Variants in SF3A3 observed in about 807,000 individuals in gnomAD.
The protein encoded by SF3A3 is splicing factor 3a subunit 3, also known as SAP 61.
Under a neutral mutation model 85.8 loss-of-function variants are expected in SF3A3, and 9 were observed. The observed-to-expected ratio is 0.10, with a 90% confidence interval of 0.06 to 0.18. The LOEUF (loss-of-function observed/expected upper bound fraction) is 0.18, where lower values mean the gene tolerates loss of function less well. Ranked by LOEUF, SF3A3 falls within the 10% of genes least tolerant of loss-of-function variation. The pLI is 1.00. For synonymous variants in SF3A3, 195 were observed against 204.4 expected, an observed-to-expected ratio of 0.95 and a Z score of 0.39; for missense variants, 306 against 593.3, an observed-to-expected ratio of 0.52 and a Z score of 5.03.
chr1:37,979,863 AAAAACAAAAC>A (rs141707261), intron 8 of SF3A3, among the ~76,000 whole-genome samples: 52,323 of 151,394 alleles, frequency 0.35, 10,542 homozygotes, highest in Non-Finnish European at 0.45. Flanking sequence ...TTGTCTCCCA[AAAAACAAAAC>A]AAAACAAAAC....
chr1:37,989,560 C>T lies in SF3A3; in HGVS notation c.132G>A (p.Arg44=), dbSNP rs759013726. The change falls in exon 2 of 17, where the codon CGG becomes CGA. Residue 44 remains arginine, a synonymous_variant. Coordinates refer to ENST00000373019, the MANE Select transcript of SF3A3 (RefSeq NM_006802.4). ...GCTGGGCACTCACATCTTGCATGGC[C>T]CGAGTGCGGTGATCAGAATTGATCT... is the stretch of plus-strand genomic sequence containing the variant. ...RDQINSDHRT[R]AMQDRYMEVS... 7 of 1,613,936 alleles carry T rather than the reference C, an allele frequency of 4.3e-6. No individual in the cohort carries two copies. The Admixed American group carries it at 1.2e-4, about 27-fold the overall frequency.
chr1:37,979,153 G>C (rs1167875842), intron 9 of SF3A3, 98 bp from the exon 10 acceptor site: 1 of 943,588 alleles, frequency 1.1e-6, no homozygotes, highest in Non-Finnish European at 1.7e-6. Context: ...GCTGTGGCAG[G>C]ACCACACATT....
chr1:37,962,845 G>T (rs901054109), intron 15 of SF3A3, among the ~76,000 whole-genome samples: 6 of 151,652 alleles, frequency 4.0e-5, no homozygotes, highest in African/African-American at 1.5e-4. Context: ...TAGCACTTTG[G>T]GAAGCTGAGG....
At chr1:37,987,204 G>A (rs1447325895) in intron 4 of SF3A3, among the ~76,000 whole-genome samples, 2 of 152,130 alleles carry the variant, frequency 1.3e-5, no homozygotes, top group Admixed American at 6.5e-5. Flanking sequence ...TCAGCCTCCT[G>A]AGTAGTTGGG....
chr1:37,972,710 A>G (rs1646352328), intron 12 of SF3A3, among the ~76,000 whole-genome samples: 2 of 152,248 alleles, frequency 1.3e-5, no homozygotes, highest in Non-Finnish European at 2.9e-5. Flanking sequence ...GTCCTTGGAA[A>G]TAGTATGACA....
In SF3A3 at chr1:37,989,565, T is replaced by C. The variant is rs747387943; in HGVS notation, c.127A>G (p.Thr43Ala). 5.0e-6 allele frequency: 8 copies of C among 1,613,826 alleles called. No homozygotes were observed. In the South Asian group the frequency reaches 5.5e-5, roughly 11 times the overall value. The part of the protein sequence containing the change: ...LRDQINSDHR[T>A]RAMQDRYMEV... ...GCACTCACATCTTGCATGGCCCGAG[T>C]GCGGTGATCAGAATTGATCTGGTCC... The change falls in exon 2 of 17, where the codon ACT becomes GCT. Residue 43 changes from threonine (T) to alanine (A), a missense_variant. This residue lies in a region of SF3A3 where 152 missense variants were observed against 192.0 expected (regional missense o/e 0.79). Coordinates refer to ENST00000373019, the MANE Select transcript of SF3A3 (RefSeq NM_006802.4).
At chr1:37,975,736 C>T (rs1194868828) in intron 12 of SF3A3, among the ~76,000 whole-genome samples, 3 of 152,080 alleles carry the variant, frequency 2.0e-5, no homozygotes, top group African/African-American at 4.8e-5. Flanking sequence ...AGCTATTATA[C>T]GAATGGTCCT....
rs1422192088 is a variant in SF3A3 at position 37,976,906 on chromosome 1, T to C, written c.983A>G (p.Tyr328Cys). 4.4e-6 allele frequency: 7 copies of C among 1,607,440 alleles called. No individual in the cohort carries two copies. The highest frequency in any genetic ancestry group is 2.7e-5 in the African/African-American group (2 of 74,778). The change falls in exon 12 of 17, where the codon TAT becomes TGT. Residue 328 changes from tyrosine (Y) to cysteine (C), a missense_variant. This residue lies in a region of SF3A3 where 136 missense variants were observed against 296.6 expected (regional missense o/e 0.46). Transcript: ENST00000373019. ...KDIAFLEAQI[Y>C]EYVEILGEQR... Reference sequence around the variant, plus strand: ...TACCCCGAGAATCTCTACATATTCATAGATCTGGGCTTCTAGAAAAGCAAT... The same window carrying C: ...TACCCCGAGAATCTCTACATATTCACAGATCTGGGCTTCTAGAAAAGCAAT...
intron 4 of SF3A3, among the ~76,000 whole-genome samples, chr1:37,986,673 G>A (rs1226962516): frequency 6.6e-6 from 1 of 151,838 alleles, no homozygotes; most frequent in African/African-American, 2.4e-5. Flanking sequence ...TTAGCCAGGC[G>A]TGGTGGCAGG....
At chr1:37,973,756 A>C (rs1206780610) in intron 12 of SF3A3, among the ~76,000 whole-genome samples, 1 of 152,214 alleles carries the variant, frequency 6.6e-6, no homozygotes, top group Admixed American at 6.5e-5. Context: ...ATTGTAAATA[A>C]TGCTGCTATA....
intron 2 of SF3A3, among the ~76,000 whole-genome samples, chr1:37,988,897 T>TA (rs1557757078): frequency 3.7e-4 from 51 of 136,960 alleles, no homozygotes; most frequent in Middle Eastern, 3.6e-3. Context: ...ATATATATAT[T>TA]TTTTTTTTCA....
intron 12 of SF3A3, among the ~76,000 whole-genome samples, chr1:37,974,016 G>T (rs550884312): frequency 2.0e-4 from 31 of 152,068 alleles, no homozygotes; most frequent in Non-Finnish European, 2.9e-4. Context: ...TCACTCATAG[G>T]TGGGAATTGA....
intron 11 of SF3A3, among the ~76,000 whole-genome samples, chr1:37,977,227 G>A (rs1646384948): frequency 1.3e-5 from 2 of 152,146 alleles, no homozygotes; most frequent in South Asian, 4.1e-4. Context: ...ATCTACAAAG[G>A]AAATGTGGTA....
Position 37,976,886 on chromosome 1 carries a change from C to A in SF3A3, c.1003G>T (p.Gly335Trp). The part of the protein sequence containing the change: ...AQIYEYVEIL[G>W]EQRHLTHENV... ...ACTTTCAGCAGTCAGTCACTTACCCCGAGAATCTCTACATATTCATAGATC... is the reference window on the plus strand; with the variant it reads ...ACTTTCAGCAGTCAGTCACTTACCCAGAGAATCTCTACATATTCATAGATC... The change falls in exon 12 of 17, where the codon GGG becomes TGG. Residue 335 changes from glycine (G) to tryptophan (W), a missense_variant and splice_region_variant. Coordinates refer to ENST00000373019, the MANE Select transcript of SF3A3 (RefSeq NM_006802.4). 1 of 1,585,732 alleles carries A rather than the reference C, an allele frequency of 6.3e-7. No individual in the cohort carries two copies. Among genetic ancestry groups the A allele is most frequent in the Non-Finnish European group, 8.7e-7 (1 of 1,154,306 alleles).
At chr1:37,973,610 G>C (rs1646358472) in intron 12 of SF3A3, among the ~76,000 whole-genome samples, 2 of 152,210 alleles carry the variant, frequency 1.3e-5, no homozygotes, top group African/African-American at 4.8e-5. Flanking sequence ...TGGAGAAACA[G>C]GAACGCTTTT....
At chr1:37,982,968 C>G (rs1646430316) in intron 6 of SF3A3, among the ~76,000 whole-genome samples, 2 of 151,436 alleles carry the variant, frequency 1.3e-5, no homozygotes, top group South Asian at 2.1e-4. Context: ...GAGTTTTGCT[C>G]TTGTTGCCCA....
intron 4 of SF3A3, among the ~76,000 whole-genome samples, chr1:37,985,460 G>T (rs1260984981): frequency 1.2e-5 from 1 of 82,208 alleles, no homozygotes; most frequent in South Asian, 5.1e-4. Context: ...AATCAAAGGA[G>T]GGCAGGTATC....
intron 12 of SF3A3, among the ~76,000 whole-genome samples, chr1:37,970,373 C>A (rs974523942): frequency 1.3e-5 from 2 of 151,134 alleles, no homozygotes; most frequent in Admixed American, 6.6e-5. Flanking sequence ...TCCTCAGAGA[C>A]CTACAAAGAG....
chr1:37,979,936 C>T (rs551807265), intron 8 of SF3A3, among the ~76,000 whole-genome samples: 3 of 152,306 alleles, frequency 2.0e-5, no homozygotes, highest in African/African-American at 7.2e-5. Flanking sequence ...TAAGGTTTGT[C>T]CACATTCTCT....
Sources: allele counts gnomAD v4.1 joint callset (sites outside exome capture counted in the v4.1 genomes callset), GRCh38; gene constraint gnomAD v4.1.1; regional missense constraint gnomAD v4.1.1; transcripts MANE v1.5; gene names NCBI Gene and HGNC (gene_info 2026-07-23, HGNC 2026-07-21).